ERBB4: variants seen among roughly 807,000 people sequenced by gnomAD.
ERBB4 encodes the protein erb-b2 receptor tyrosine kinase 4, also known as receptor tyrosine-protein kinase erbB-4.
Under a neutral mutation model 158.0 loss-of-function variants are expected in ERBB4, and 42 were observed. The ratio of observed to expected loss-of-function variants is 0.27; its 90% CI spans 0.21 to 0.34. The LOEUF (loss-of-function observed/expected upper bound fraction) is 0.34, where lower values mean the gene tolerates loss of function less well. Ranked by LOEUF, ERBB4 falls within the 10% of genes least tolerant of loss-of-function variation. ERBB4 has a pLI of 1.00. For missense variants in ERBB4, 1,333 were observed against 1,624.1 expected (o/e 0.82, Z 3.08); for synonymous variants, 583 against 558.7 (o/e 1.04, Z -0.61).
At chr2:212,159,185 T>C (rs937817121) in intron 1 of ERBB4, among the ~76,000 whole-genome samples, 4 of 151,920 alleles carry the variant, frequency 2.6e-5, no homozygotes, top group Admixed American at 6.6e-5. Context: ...GCTGAGCCAC[T>C]TGCAGATCCT....
chr2:212,190,746 CCT>C (rs746962128), intron 1 of ERBB4, among the ~76,000 whole-genome samples: 12 of 152,098 alleles, frequency 7.9e-5, no homozygotes, highest in Non-Finnish European at 1.6e-4. Flanking sequence ...ATGATGAAAA[CCT>C]TTACCTTAAA....
chr2:212,191,886 C>CCT (rs2082250432), intron 1 of ERBB4, among the ~76,000 whole-genome samples: 1 of 141,226 alleles, frequency 7.1e-6, no homozygotes, highest in South Asian at 2.1e-4. Flanking sequence ...ACATATGTTA[C>CCT]ATGTTATATA....
At chr2:211,955,483 G>A (rs2125160011) in intron 2 of ERBB4, among the ~76,000 whole-genome samples, 1 of 151,994 alleles carries the variant, frequency 6.6e-6, no homozygotes, top group Non-Finnish European at 1.5e-5. Context: ...CTGTATTCCT[G>A]TATCATAGAC....
chr2:212,536,749 G>C (rs1292567280), intron 1 of ERBB4, among the ~76,000 whole-genome samples: 1 of 152,152 alleles, frequency 6.6e-6, no homozygotes, highest in East Asian at 1.9e-4. Context: ...CTGCGGACTC[G>C]GAGCGGGGTC....
intron 3 of ERBB4, among the ~76,000 whole-genome samples, chr2:211,867,577 T>C (rs956727137): frequency 6.6e-6 from 1 of 152,194 alleles, no homozygotes; most frequent in Admixed American, 6.6e-5. Flanking sequence ...TATATGAATG[T>C]GTATACTCTT....
intron 25 of ERBB4, among the ~76,000 whole-genome samples, chr2:211,389,105 G>T (rs557239719): frequency 6.6e-6 from 1 of 152,016 alleles, no homozygotes; most frequent in Non-Finnish European, 1.5e-5. Flanking sequence ...GTGCAATCTC[G>T]GCTCACTGCA....
At chr2:211,403,047 T>A (rs764572549) in intron 25 of ERBB4, among the ~76,000 whole-genome samples, 1 of 152,060 alleles carries the variant, frequency 6.6e-6, no homozygotes, top group Non-Finnish European at 1.5e-5. Context: ...TTATAAAATT[T>A]GCAAAAGTAA....
At chr2:211,668,963 C>T (rs1001456372) in intron 14 of ERBB4, among the ~76,000 whole-genome samples, 10 of 152,032 alleles carry the variant, frequency 6.6e-5, no homozygotes, top group African/African-American at 2.4e-4. Flanking sequence ...TGGCTCACAT[C>T]TTTAATCCCA....
chr2:212,317,745 C>G (rs1299721489), intron 1 of ERBB4, among the ~76,000 whole-genome samples: 2 of 151,342 alleles, frequency 1.3e-5, no homozygotes, highest in Admixed American at 6.6e-5. Flanking sequence ...TCAAAGCATA[C>G]AGATATAAAG....
intron 2 of ERBB4, among the ~76,000 whole-genome samples, chr2:212,050,141 T>A (rs138430926): frequency 6.6e-6 from 1 of 152,068 alleles, no homozygotes; most frequent in African/African-American, 2.4e-5. Context: ...ATCCTCATAG[T>A]TTCATATTGT....
intron 1 of ERBB4, among the ~76,000 whole-genome samples, chr2:212,425,188 TA>T (rs2091880453): frequency 6.6e-6 from 1 of 151,242 alleles, no homozygotes; most frequent in African/African-American, 2.4e-5. Flanking sequence ...GAAGTAAAAG[TA>T]AATCAAATTT....
In ERBB4 at chr2:211,716,501, C is replaced by T. The variant is rs1439596980; in HGVS notation, c.884-2853G>A. Among the ~76,000 whole-genome samples the T allele has an allele frequency of 2.0e-5, 3 of 151,474 alleles. 1 individual carries two copies. Among genetic ancestry groups the T allele is most frequent in the Non-Finnish European group, 2.9e-5 (2 of 67,928 alleles). On this transcript the variant is annotated intron_variant, in intron 7 of 27. Coordinates refer to ENST00000342788, the MANE Select transcript of ERBB4 (RefSeq NM_005235.3). ...ACCATCCCGGCTAACACGGTGAAAC[C>T]CCGTCTCTACTAAAAATACAAAAAA... is the stretch of plus-strand genomic sequence containing the variant.
chr2:212,351,690 A>G (rs2089259454), intron 1 of ERBB4, among the ~76,000 whole-genome samples: 2 of 152,304 alleles, frequency 1.3e-5, no homozygotes, highest in African/African-American at 2.4e-5. Flanking sequence ...AATAACCACA[A>G]TAGCTATTGG....
chr2:211,567,927 A>C (rs1185373332), intron 19 of ERBB4, among the ~76,000 whole-genome samples: 1 of 152,006 alleles, frequency 6.6e-6, no homozygotes, highest in Non-Finnish European at 1.5e-5. Context: ...TTAATCATAG[A>C]GTGTCGGCTT....
At chr2:212,331,058 G>A (rs193122995) in intron 1 of ERBB4, among the ~76,000 whole-genome samples, 2,112 of 56,274 alleles carry the variant, frequency 0.038, 111 homozygotes, top group African/African-American at 0.08. Flanking sequence ...TTTGTAATTT[G>A]TATATATATA....
intron 1 of ERBB4, among the ~76,000 whole-genome samples, chr2:212,360,550 T>G (rs1018159418): frequency 6.6e-6 from 1 of 151,676 alleles, no homozygotes; most frequent in Admixed American, 6.6e-5. Flanking sequence ...TAATGCCTAA[T>G]CTAATGTTTG....
chr2:211,919,943 C>T (rs940338204), intron 3 of ERBB4, among the ~76,000 whole-genome samples: 1 of 151,986 alleles, frequency 6.6e-6, no homozygotes, highest in Non-Finnish European at 1.5e-5. Flanking sequence ...TAAACAACCA[C>T]TAATCTTTTT....
At chr2:211,960,773 G>A (rs985345254) in intron 2 of ERBB4, 1 of 152,092 alleles carries the variant, frequency 6.6e-6, no homozygotes, top group Non-Finnish European at 1.5e-5. Context: ...CCATTCATGA[G>A]GAGTCTACTC....
intron 20 of ERBB4, among the ~76,000 whole-genome samples, chr2:211,539,360 T>C (rs1299372697): frequency 6.6e-6 from 1 of 151,986 alleles, no homozygotes; most frequent in African/African-American, 2.4e-5. Context: ...AATGCCTTAA[T>C]AAACTAAAAC....
Sources: allele counts gnomAD v4.1 joint callset (sites outside exome capture counted in the v4.1 genomes callset), GRCh38; gene constraint gnomAD v4.1.1; transcripts MANE v1.5; gene names NCBI Gene and HGNC (gene_info 2026-07-23, HGNC 2026-07-21).